Variants in PFKP observed in about 807,000 individuals in gnomAD.
PFKP encodes the protein ATP-dependent 6-phosphofructokinase, platelet type.
A neutral mutation model predicts 94.3 loss-of-function variants in PFKP; 101 were observed. The ratio of observed to expected loss-of-function variants is 1.07; its 90% CI spans 0.91 to 1.26. The LOEUF (loss-of-function observed/expected upper bound fraction) is 1.26. Among genes scored for constraint, PFKP ranks in the 50% most tolerant of loss-of-function variants. The probability of loss-of-function intolerance (pLI) is 0.00; values close to 1 mark genes in which losing one functional copy is unlikely to be tolerated. For missense variants in PFKP, 1,145 were observed against 1,103.3 expected, an observed-to-expected ratio of 1.04 and a Z score of -0.53; for synonymous variants, 573 against 432.6, an observed-to-expected ratio of 1.32 and a Z score of -4.03.
At chr10:3,096,409 G>A (rs1004671847) in intron 2 of PFKP, among the ~76,000 whole-genome samples, 2 of 152,134 alleles carry the variant, frequency 1.3e-5, no homozygotes, top group South Asian at 4.2e-4. Flanking sequence ...AGAAATGACC[G>A]CAACAGCTCT....
chr10:3,077,249 C>CTTTTTTTTTTT lies in PFKP; in HGVS notation c.113-5138_113-5128dup, dbSNP rs35306351. ...TTCATTAGAGTTCATCTATTCTTTA[C>CTTTTTTTTTTT]TTTTTTTTTTTCTTTTTTTTTTTTT... On this transcript the variant is annotated intron_variant, in intron 1 of 21. Transcript: ENST00000381125. Among the ~76,000 whole-genome samples the CTTTTTTTTTTT allele has an allele frequency of 1.3e-4, 14 of 108,180 alleles. 1 individual carries two copies. The highest frequency in any genetic ancestry group is 2.4e-4 in the Non-Finnish European group (13 of 55,024). 71.0% of individuals were successfully genotyped at this position (108,180 alleles called of 152,430 possible). A position where few individuals can be genotyped will look rare whatever the true frequency, so the allele number is the denominator to read the frequency against.
intron 1 of PFKP, among the ~76,000 whole-genome samples, chr10:3,076,643 T>C (rs74383941): frequency 0.039 from 5,933 of 152,162 alleles, 180 homozygotes; most frequent in South Asian, 0.063. Context: ...TGCTTTCGGG[T>C]CTCTCCTGAT....
At chr10:3,124,370 T>G (rs1387827695) in intron 16 of PFKP, among the ~76,000 whole-genome samples, 1 of 152,196 alleles carries the variant, frequency 6.6e-6, no homozygotes, top group Non-Finnish European at 1.5e-5. Context: ...GTTAACACCC[T>G]GAGGTGGAGT....
chr10:3,131,107 AAT>A (rs1008930125), intron 17 of PFKP, among the ~76,000 whole-genome samples: 1 of 151,954 alleles, frequency 6.6e-6, no homozygotes, highest in Non-Finnish European at 1.5e-5. Context: ...ATATTTTTAT[AAT>A]ATATATTTTA....
intron 10 of PFKP, among the ~76,000 whole-genome samples, chr10:3,110,893 C>T (rs1016934987): frequency 6.7e-6 from 1 of 150,318 alleles, no homozygotes; most frequent in East Asian, 2.0e-4. Context: ...TATGTGTGTG[C>T]ATGTTTGTGT....
chr10:3,089,030 C>T lies in PFKP; in HGVS notation c.186+6569C>T, dbSNP rs572901707. Among the ~76,000 whole-genome samples, 103 of 152,302 alleles carry T rather than the reference C, an allele frequency of 6.8e-4. 1 individual carries two copies. The highest frequency in any genetic ancestry group is 2.4e-3 in the African/African-American group (99 of 41,556). On this transcript the variant is annotated intron_variant, in intron 2 of 21. Coordinates refer to ENST00000381125, the MANE Select transcript of PFKP (RefSeq NM_002627.5). ...CACTGCAACCTCTGCCTCCCGGGTTCAAGCGATTCTCCTGCCTCAGCCTCC... is the reference window on the plus strand; with the variant it reads ...CACTGCAACCTCTGCCTCCCGGGTTTAAGCGATTCTCCTGCCTCAGCCTCC...
At chr10:3,095,471 A>G (rs1302825667) in intron 2 of PFKP, among the ~76,000 whole-genome samples, 1 of 152,228 alleles carries the variant, frequency 6.6e-6, no homozygotes, top group East Asian at 1.9e-4. Context: ...ATTCTGTCCG[A>G]CGATGGATCC....
At chr10:3,126,074 C>A (rs1837914134) in intron 16 of PFKP, among the ~76,000 whole-genome samples, 1 of 152,198 alleles carries the variant, frequency 6.6e-6, no homozygotes, top group Admixed American at 6.5e-5. Flanking sequence ...CAAGCCAGCT[C>A]CGGAGTTTGC....
chr10:3,118,952 A>T, intron 15 of PFKP, 83 bp downstream of exon 15: 3 of 1,011,718 alleles, frequency 3.0e-6, no homozygotes, highest in Non-Finnish European at 4.5e-6. Flanking sequence ...CTTGTTGGCT[A>T]CTGGCCACGA....
intron 2 of PFKP, among the ~76,000 whole-genome samples, chr10:3,083,865 A>C (rs1833275908): frequency 6.6e-6 from 1 of 152,044 alleles, no homozygotes; most frequent in Admixed American, 6.6e-5. Context: ...CTGGTCTCGA[A>C]CTCCTGACCT....
chr10:3,108,132 T>A, intron 8 of PFKP: 4 of 742,458 alleles, frequency 5.4e-6, no homozygotes, highest in Non-Finnish European at 7.7e-6. Context: ...CGCTTAACTG[T>A]AATTAAATTA....
intron 11 of PFKP, 76 bp from the exon 12 acceptor site, chr10:3,113,043 C>A: frequency 1.5e-6 from 2 of 1,324,736 alleles, no homozygotes; most frequent in Non-Finnish European, 1.1e-6. Context: ...GGCAGATAAG[C>A]CACCTTTTCT....
intron 15 of PFKP, among the ~76,000 whole-genome samples, chr10:3,119,153 G>A (rs9423681): frequency 0.12 from 17,631 of 152,108 alleles, 1,057 homozygotes; most frequent in Admixed American, 0.15. Context: ...GCCTGTGGAA[G>A]TAATTCTATC....
intron 11 of PFKP, 24 bp from the exon 12 acceptor site, chr10:3,113,095 T>C: frequency 6.2e-7 from 1 of 1,608,108 alleles, no homozygotes; most frequent in Non-Finnish European, 8.5e-7. Context: ...TCGACTCCGG[T>C]CCAACGACAC....
rs79147345 is a variant in PFKP at position 3,121,038 on chromosome 10, A to G, written c.1683+994A>G. ...TTTTTTCTTGTAAAACCTTGGCATG[A>G]AACTTATTTCTAGCACTGGTAAATA... On this transcript the variant is annotated intron_variant, in intron 16 of 21. Transcript: ENST00000381125. 4.9e-3 allele frequency among the ~76,000 whole-genome samples: 748 copies of G among 151,990 alleles called. 35 individuals are homozygous for G. In the East Asian group the frequency reaches 0.12, roughly 24 times the overall value.
chr10:3,127,990 C>T (rs1471848669), intron 16 of PFKP, among the ~76,000 whole-genome samples: 1 of 151,338 alleles, frequency 6.6e-6, no homozygotes, highest in Non-Finnish European at 1.5e-5. Flanking sequence ...TGCACAGACT[C>T]TCACGTGGCT....
At chr10:3,089,873 T>C (rs1833914631) in intron 2 of PFKP, among the ~76,000 whole-genome samples, 1 of 152,128 alleles carries the variant, frequency 6.6e-6, no homozygotes, top group Non-Finnish European at 1.5e-5. Flanking sequence ...CCCTGCTTCC[T>C]TCTACTTTTC....
intron 16 of PFKP, 132 bp downstream of exon 16, chr10:3,120,176 T>C (rs1837257394): frequency 5.3e-6 from 4 of 749,310 alleles, no homozygotes; most frequent in South Asian, 3.7e-5. Context: ...CGTTCTTTTT[T>C]TCCCCCAGAA....
chr10:3,077,269 T>C (rs1488818766), intron 1 of PFKP, among the ~76,000 whole-genome samples: 1 of 131,200 alleles, frequency 7.6e-6, no homozygotes, highest in Middle Eastern at 3.5e-3. Context: ...TTCTTTTTTT[T>C]TTTTTTTTTT....
Sources: gnomAD v4.1 joint callset for allele counts (sites outside exome capture counted in the v4.1 genomes callset) on GRCh38, gnomAD v4.1.1 for gene constraint, MANE v1.5 for transcripts, NCBI Gene and HGNC (gene_info 2026-07-23, HGNC 2026-07-21) for gene names.